PRKAR1A: variants seen among roughly 807,000 people sequenced by gnomAD.
PRKAR1A encodes cAMP-dependent protein kinase type I-alpha regulatory subunit.
PRKAR1A carries 3 observed loss-of-function variants against 52.0 expected under a neutral mutation model. That is an observed-to-expected ratio of 0.06 (90% confidence interval 0.03 to 0.15). The LOEUF (loss-of-function observed/expected upper bound fraction) is 0.15. Among genes scored for constraint, PRKAR1A ranks in the 10% least tolerant of loss-of-function variants. The pLI, the probability that PRKAR1A is intolerant of heterozygous loss-of-function variation, is 1.00. For missense variants in PRKAR1A, 240 were observed against 477.4 expected (o/e 0.50, Z 4.63); for synonymous variants, 188 against 168.4 (o/e 1.12, Z -0.90).
At chr17:68,548,936 G>A (rs2086703316) in intron 11 of PRKAR1A, among the ~76,000 whole-genome samples, 1 of 151,730 alleles carries the variant, frequency 6.6e-6, no homozygotes, top group South Asian at 2.1e-4. Context: ...GTTTCACCGT[G>A]TTAGCCAGGA....
chr17:68,528,180 C>T (rs1040539587), intron 8 of PRKAR1A, among the ~76,000 whole-genome samples: 11 of 152,190 alleles, frequency 7.2e-5, no homozygotes, highest in Non-Finnish European at 1.3e-4. Context: ...CTGGCATCCT[C>T]TGAAAACATG....
upstream of PRKAR1A, among the ~76,000 whole-genome samples, chr17:68,507,025 C>T (rs769453876): frequency 2.7e-4 from 41 of 152,124 alleles, no homozygotes; most frequent in Non-Finnish European, 5.9e-5. Flanking sequence ...TTTTCATGAG[C>T]TTCTCAAAGG....
At chr17:68,505,764 A>C in the PRKAR1A span, among the ~76,000 whole-genome samples, 1 of 151,922 alleles carries the variant, frequency 6.6e-6, no homozygotes, top group African/African-American at 2.4e-5. Context: ...CAGTGAGCTG[A>C]GATTGAGATT....
chr17:68,427,924 C>G, the PRKAR1A span, among the ~76,000 whole-genome samples: 2 of 152,202 alleles, frequency 1.3e-5, no homozygotes, highest in Non-Finnish European at 2.9e-5. Flanking sequence ...GGGTCTCACT[C>G]TGTTGCCCAG....
At chr17:68,470,369 C>G in the PRKAR1A span, among the ~76,000 whole-genome samples, 1 of 152,154 alleles carries the variant, frequency 6.6e-6, no homozygotes, top group African/African-American at 2.4e-5. Context: ...CATGAGCCAC[C>G]GTGCCCGGCC....
chr17:68,518,347 C>T (rs555768946), intron 2 of PRKAR1A, among the ~76,000 whole-genome samples: 5 of 152,350 alleles, frequency 3.3e-5, no homozygotes, highest in Middle Eastern at 3.4e-3. Context: ...AGGAGGGCCA[C>T]GCCCCTGCAG....
chr17:68,424,562 A>G, the PRKAR1A span: 1 of 524,272 alleles, frequency 1.9e-6, no homozygotes, highest in South Asian at 1.4e-5. Flanking sequence ...CTAGGAGCTG[A>G]TGCTCCAAGT....
chr17:68,438,365 G>A, the PRKAR1A span, among the ~76,000 whole-genome samples: 2 of 152,234 alleles, frequency 1.3e-5, no homozygotes, highest in African/African-American at 4.8e-5. Context: ...TGAATTCTTT[G>A]CTATCCAAAT....
chr17:68,437,865 A>G, the PRKAR1A span, among the ~76,000 whole-genome samples: 1 of 149,282 alleles, frequency 6.7e-6, no homozygotes, highest in Non-Finnish European at 1.5e-5. Flanking sequence ...AGAGGTGCAC[A>G]TGATAGCAGT....
chr17:68,455,933 T>G, the PRKAR1A span, among the ~76,000 whole-genome samples: 1 of 152,234 alleles, frequency 6.6e-6, no homozygotes, highest in African/African-American at 2.4e-5. Context: ...CCATGCCCTC[T>G]TGCAAAATGT....
the PRKAR1A span, among the ~76,000 whole-genome samples, chr17:68,468,666 G>A: frequency 6.6e-6 from 1 of 152,128 alleles, no homozygotes; most frequent in Non-Finnish European, 1.5e-5. Flanking sequence ...GGAATAAAAA[G>A]CTGGCTTGCT....
the PRKAR1A span, among the ~76,000 whole-genome samples, chr17:68,439,278 T>A: frequency 6.6e-6 from 1 of 152,218 alleles, no homozygotes; most frequent in East Asian, 1.9e-4. Flanking sequence ...TATATTTTTA[T>A]AATAGAATAT....
downstream of PRKAR1A, chr17:68,533,513 A>AT (rs1045340927): frequency 7.5e-6 from 6 of 803,120 alleles, no homozygotes; most frequent in African/African-American, 7.4e-5. Flanking sequence ...TGTTTCTTTT[A>AT]TTTTTTAATG....
the PRKAR1A span, among the ~76,000 whole-genome samples, chr17:68,468,905 T>C: frequency 3.3e-5 from 5 of 152,298 alleles, no homozygotes; most frequent in East Asian, 9.6e-4. Context: ...CTCTTCTCTC[T>C]CCACTTCCTC....
chr17:68,529,868 C>G, intron 9 of PRKAR1A, 52 bp from the exon 10 acceptor site: 1 of 1,560,414 alleles, frequency 6.4e-7, no homozygotes, highest in Non-Finnish European at 8.8e-7. Context: ...TAAGGTGCCA[C>G]CCTGGGTTTG....
At chr17:68,473,036 G>C in the PRKAR1A span, among the ~76,000 whole-genome samples, 1 of 152,028 alleles carries the variant, frequency 6.6e-6, no homozygotes, top group South Asian at 2.1e-4. Context: ...TCATTCACTA[G>C]GTCATCGACA....
the PRKAR1A span, among the ~76,000 whole-genome samples, chr17:68,416,381 A>T: frequency 6.6e-6 from 1 of 152,124 alleles, no homozygotes; most frequent in Non-Finnish European, 1.5e-5. Context: ...TCTGCTGTTA[A>T]TCCTGATAGG....
rs980804252 is a variant in PRKAR1A, at chr17:68,546,414, A to G, written c.974-4670A>G. ...TTTTTACCTCCTTCCACGCATCACA[A>G]ATTTTCTTAATGGCATCTAGAATGG... On this transcript the variant is annotated intron_variant, in intron 11 of 11. Coordinates refer to the PRKAR1A transcript ENST00000585981. Among the ~76,000 whole-genome samples the G allele has an allele frequency of 1.1e-4, 16 of 152,000 alleles. 1 individual carries two copies. The highest frequency in any genetic ancestry group is 2.6e-4 in the Admixed American group (4 of 15,278).
the PRKAR1A span, chr17:68,427,075 G>A: frequency 7.1e-7 from 1 of 1,403,290 alleles, no homozygotes; most frequent in Admixed American, 1.7e-5. Flanking sequence ...GAGCGTGCAG[G>A]GAGAAGGGGA....
Sources: gnomAD v4.1 joint callset for allele counts (sites outside exome capture counted in the v4.1 genomes callset) on GRCh38, gnomAD v4.1.1 for gene constraint, MANE v1.5 for transcripts, NCBI Gene and HGNC (gene_info 2026-07-23, HGNC 2026-07-21) for gene names.